EDEM3: variants seen among roughly 807,000 people sequenced by gnomAD.
EDEM3 encodes the protein ER degradation enhancing alpha-mannosidase like protein 3, also known as ER degradation-enhancing alpha-mannosidase-like protein 3.
Under a neutral mutation model 110.2 loss-of-function variants are expected in EDEM3, and 60 were observed. The ratio of observed to expected loss-of-function variants is 0.54; its 90% confidence interval spans 0.44 to 0.67. The LOEUF (loss-of-function observed/expected upper bound fraction) is 0.67. Ranked by LOEUF, EDEM3 falls within the 30% of genes least tolerant of loss-of-function variation. The pLI is 0.00. For synonymous variants in EDEM3, 352 were observed against 382.9 expected (o/e 0.92, Z 0.94); for missense variants, 996 against 1,121.0 (o/e 0.89, Z 1.59).
intron 18 of EDEM3, 145 bp downstream of exon 18, chr1:184,706,498 G>A (rs1486144190): frequency 2.9e-5 from 17 of 596,270 alleles, no homozygotes; most frequent in Non-Finnish European, 4.6e-5. Flanking sequence ...GAAATTAAAA[G>A]TCATTGGATT....
At chr1:184,717,105 G>A (rs1650595702) in intron 12 of EDEM3, 93 bp from the exon 13 acceptor site, 3 of 1,050,432 alleles carry the variant, frequency 2.9e-6, no homozygotes, top group Non-Finnish European at 4.0e-6. Context: ...TACCTACTAG[G>A]TGCCAGGCAC....
At chr1:184,710,575 T>TA (rs765062811) in intron 15 of EDEM3, 28 bp from the exon 16 acceptor site, 2 of 1,555,906 alleles carry the variant, frequency 1.3e-6, no homozygotes, top group East Asian at 2.3e-5. Flanking sequence ...AGGCAAGGCT[T>TA]AAAAAACTAT....
At chr1:184,736,683 T>A (rs559012883) in intron 4 of EDEM3, among the ~76,000 whole-genome samples, 31 of 152,320 alleles carry the variant, frequency 2.0e-4, no homozygotes, top group African/African-American at 7.2e-4. Context: ...TTGATATCAT[T>A]TTGGCATGTC....
chr1:184,711,726 C>T lies in EDEM3; in HGVS notation c.1688G>A (p.Arg563Lys). ...VDKSCPRGII[R>K]VEESFRSGAK... ...AATATAAAATAATACATCTTACACT[C>T]TGATGATGCCTCTAGGACAGCTCTT... Residue 563 changes from arginine (R) to lysine (K), a missense_variant, in exon 15 of 20, where the codon AGA (arginine) becomes AAA (lysine). Arg to Lys is a conservative substitution (Grantham distance 26). This residue lies in a region of EDEM3 where 138 missense variants were observed against 124.3 expected (regional missense o/e 1.11). Coordinates refer to ENST00000318130, the MANE Select transcript of EDEM3 (RefSeq NM_025191.4). 4 of 1,595,128 alleles carry T rather than the reference C, an allele frequency of 2.5e-6. No homozygotes were observed. Among genetic ancestry groups the T allele is most frequent in the Non-Finnish European group, 3.4e-6 (4 of 1,173,838 alleles).
chr1:184,734,352 C>T (rs1651705612), intron 5 of EDEM3, among the ~76,000 whole-genome samples, 179 bp downstream of exon 5: 1 of 152,000 alleles, frequency 6.6e-6, no homozygotes, highest in African/African-American at 2.4e-5. Flanking sequence ...ACCTGTAGTC[C>T]CAGCTACTCA....
intron 19 of EDEM3, among the ~76,000 whole-genome samples, chr1:184,700,669 A>T (rs10911636): frequency 0.3 from 46,005 of 151,816 alleles, 8,540 homozygotes; most frequent in East Asian, 0.54. Flanking sequence ...ACTTCTAACA[A>T]GTGTATCTGT....
At chr1:184,714,002 TGGATATTAATCTTTTTA>T (rs1168252010) in intron 13 of EDEM3, among the ~76,000 whole-genome samples, 2 of 152,248 alleles carry the variant, frequency 1.3e-5, no homozygotes, top group Non-Finnish European at 2.9e-5. Flanking sequence ...TTAGCCATTT[TGGATATTAATCTTTTTA>T]GACAATATAA....
chr1:184,698,995 C>T lies in EDEM3; in HGVS notation c.2389+3816G>A, dbSNP rs1416536035. ...ATCTTGATCCTAAGGTGCCTGTTTT[C>T]ACCAGTATGTGAGATCAAAGTCGTA... On this transcript the variant is annotated intron_variant, in intron 19 of 19. Transcript: ENST00000318130. Among the ~76,000 whole-genome samples, 8 of 151,974 alleles carry T rather than the reference C, an allele frequency of 5.3e-5. No homozygotes were observed. The East Asian group carries it at 1.5e-3, about 29-fold the overall frequency.
chr1:184,711,251 A>G (rs1650214187), intron 15 of EDEM3, among the ~76,000 whole-genome samples: 1 of 152,080 alleles, frequency 6.6e-6, no homozygotes, highest in Non-Finnish European at 1.5e-5. Flanking sequence ...GGTGCCTGCC[A>G]CCATGCCTGG....
chr1:184,747,444 T>C (rs1281490650), intron 2 of EDEM3, among the ~76,000 whole-genome samples: 1 of 152,200 alleles, frequency 6.6e-6, no homozygotes, highest in Non-Finnish European at 1.5e-5. Context: ...TTTAGAACTG[T>C]GTCATGTTAG....
At chr1:184,700,494 G>T (rs149627017) in intron 19 of EDEM3, among the ~76,000 whole-genome samples, 1 of 151,878 alleles carries the variant, frequency 6.6e-6, no homozygotes, top group African/African-American at 2.4e-5. Flanking sequence ...ACAAAAAAGG[G>T]GTGCTTTCTG....
At chr1:184,695,202 G>A (rs1248807466) in intron 19 of EDEM3, among the ~76,000 whole-genome samples, 1 of 151,956 alleles carries the variant, frequency 6.6e-6, no homozygotes, top group African/African-American at 2.4e-5. Context: ...TAGCATCGAC[G>A]CCTACATGCT....
intron 6 of EDEM3, 24 bp from the exon 7 acceptor site, chr1:184,726,413 A>ATGC (rs754623208): frequency 9.5e-5 from 152 of 1,608,338 alleles, no homozygotes; most frequent in Non-Finnish European, 1.3e-4. Context: ...GAAAATTGTC[A>ATGC]TTAGCAGTTA....
At chr1:184,718,323 G>C (rs1292202634) in intron 11 of EDEM3, among the ~76,000 whole-genome samples, 4 of 151,894 alleles carry the variant, frequency 2.6e-5, no homozygotes, top group African/African-American at 4.8e-5. Flanking sequence ...AAAAATAAAA[G>C]CAAACAAAAA....
In EDEM3 at chr1:184,737,033, T is replaced by C. The variant is rs759721775; in HGVS notation, c.337A>G (p.Thr113Ala). The change falls in exon 4 of 20, where the codon ACT (threonine) becomes GCT (alanine). Residue 113 changes from threonine to alanine, a missense_variant. Physicochemically the swap from Thr to Ala is moderately conservative, Grantham distance 58. Around this residue, in one of 5 missense-constraint regions of EDEM3, gnomAD observed 200 missense variants for 183.8 expected, o/e 1.09. Coordinates refer to ENST00000318130, the MANE Select transcript of EDEM3 (RefSeq NM_025191.4). ...AGAAGAGTCAAACCTACCACAAGAG[T>C]GTCCAAAGAATCAATCAGTGTCAGA... ...FSLTLIDSLD[T>A]LVVLNKTKEF... 1 of 1,611,800 alleles carries C rather than the reference T, an allele frequency of 6.2e-7. No individual in the cohort carries two copies. Among genetic ancestry groups the C allele is most frequent in the Non-Finnish European group, 8.5e-7 (1 of 1,178,494 alleles).
Position 184,738,011 on chromosome 1 carries a change from C to T in EDEM3, c.205-300G>A, listed in dbSNP as rs190291465. 1.3e-4 allele frequency among the ~76,000 whole-genome samples: 20 copies of T among 152,194 alleles called. No individual in the cohort carries two copies. In the East Asian group the frequency reaches 3.9e-3, roughly 29 times the overall value. ...GGCATTTATCCTTCCAGATTTATCC[C>T]ACATACATTCAAATACATACACATA... On this transcript the variant is annotated intron_variant, in intron 2 of 19. Transcript: ENST00000318130.
chr1:184,709,832 CA>C (rs1224910802), intron 16 of EDEM3, among the ~76,000 whole-genome samples: 2 of 152,076 alleles, frequency 1.3e-5, no homozygotes, highest in African/African-American at 4.8e-5. Flanking sequence ...AATTATTCAG[CA>C]AACTATGTGG....
chr1:184,719,577 T>A lies in EDEM3; in HGVS notation c.952-9A>T, dbSNP rs372369650. 5 of 1,613,216 alleles carry A rather than the reference T, an allele frequency of 3.1e-6. No homozygotes were observed. The African/African-American group carries it at 5.3e-5, about 17-fold the overall frequency. On this transcript the variant is annotated splice_polypyrimidine_tract_variant and intron_variant, in intron 9 of 19. Coordinates refer to ENST00000318130, the MANE Select transcript of EDEM3 (RefSeq NM_025191.4). The stretch of plus-strand genomic sequence containing the variant: ...ATTATGGCATCATAGTGCTAAAAGA[T>A]CACAACATGTGTTCATGAAAGTTAG...
At chr1:184,717,670 A>G (rs1419421874) in intron 11 of EDEM3, 47 bp from the exon 12 acceptor site, 1 of 1,447,900 alleles carries the variant, frequency 6.9e-7, no homozygotes. Flanking sequence ...GATTAAATAC[A>G]CAAGTAGTTC....
Sources: gnomAD v4.1 joint callset for allele counts (sites outside exome capture counted in the v4.1 genomes callset) on GRCh38, gnomAD v4.1.1 for gene constraint, gnomAD v4.1.1 regional missense constraint, MANE v1.5 for transcripts, NCBI Gene and HGNC (gene_info 2026-07-23, HGNC 2026-07-21) for gene names.